EML1: variants seen among roughly 807,000 people sequenced by gnomAD.
EML1 encodes EMAP like 1, also known as echinoderm microtubule-associated protein-like 1.
A neutral mutation model predicts 110.4 loss-of-function variants in EML1; 27 were observed. The ratio of observed to expected loss-of-function variants is 0.24; its 90% CI spans 0.18 to 0.34. EML1 has a LOEUF of 0.34. Ranked by LOEUF, EML1 falls within the 10% of genes least tolerant of loss-of-function variation. The pLI is 1.00. For missense variants in EML1, 741 were observed against 1,030.9 expected (o/e 0.72, Z 3.85); for synonymous variants, 344 against 385.8 (o/e 0.89, Z 1.27).
chr14:99,856,266 T>C (rs1476704664), intron 2 of EML1, among the ~76,000 whole-genome samples: 2 of 152,230 alleles, frequency 1.3e-5, no homozygotes, highest in Non-Finnish European at 2.9e-5. Context: ...TTCCATAAGT[T>C]AGCATTATTC....
At chr14:99,853,993 A>C (rs2058858011) in intron 2 of EML1, among the ~76,000 whole-genome samples, 1 of 152,136 alleles carries the variant, frequency 6.6e-6, no homozygotes, top group African/African-American at 2.4e-5. Flanking sequence ...TTTAAATATC[A>C]AATGATTTTT....
intron 4 of EML1, among the ~76,000 whole-genome samples, chr14:99,890,588 G>A (rs530684905): frequency 6.6e-6 from 1 of 152,292 alleles, no homozygotes; most frequent in Admixed American, 6.5e-5. Context: ...GGTTTCCCAA[G>A]TGCTGTCATG....
intron 15 of EML1, among the ~76,000 whole-genome samples, chr14:99,916,345 C>T (rs549798058): frequency 2.0e-4 from 31 of 152,348 alleles, no homozygotes; most frequent in African/African-American, 7.0e-4. Context: ...TTAGTGGCAG[C>T]TCTGAGCTTA....
intron 9 of EML1, chr14:99,907,042 C>T (rs903887931): frequency 2.0e-5 from 3 of 152,590 alleles, no homozygotes; most frequent in African/African-American, 7.2e-5. Flanking sequence ...CTAGGAGGGG[C>T]TCTTGTTTTC....
intron 1 of EML1, among the ~76,000 whole-genome samples, chr14:99,767,806 TCCC>T (rs1202747825): frequency 1.3e-5 from 2 of 152,038 alleles, no homozygotes; most frequent in African/African-American, 2.4e-5. Flanking sequence ...CCTCAAGGCC[TCCC>T]CCAAGTCCCC....
rs1362999400 is a variant in EML1, at chr14:99,939,095, C to G, written c.2192-102C>G. On this transcript the variant is annotated intron_variant, in intron 20 of 21. Coordinates refer to ENST00000262233, the MANE Select transcript of EML1 (RefSeq NM_004434.3). This position sits in a 1 kb window ranked among gnomAD's most constrained non-coding sequence, Gnocchi z 4.2. ...GACCCTTGTTTCTAAAGCTGGACTT[C>G]AGGCAGTTTCATGTTCAGGACCGTT... The G allele has an allele frequency of 6.6e-6, 10 of 1,507,346 alleles. No homozygotes were observed. The highest frequency in any genetic ancestry group is 4.2e-5 in the African/African-American group (3 of 71,342). 93.4% of individuals were successfully genotyped at this position (1,507,346 alleles called of 1,614,324 possible). A position where few individuals can be genotyped will look rare whatever the true frequency, so the allele number is the denominator to read the frequency against.
intron 1 of EML1, among the ~76,000 whole-genome samples, chr14:99,793,866 C>T (rs1263352103): frequency 6.6e-6 from 1 of 151,232 alleles, no homozygotes; most frequent in Non-Finnish European, 1.5e-5. Context: ...CGGGGAGGCC[C>T]GGGCAGCCTC....
chr14:99,876,958 G>A (rs558078379), intron 3 of EML1, among the ~76,000 whole-genome samples: 1 of 152,274 alleles, frequency 6.6e-6, no homozygotes, highest in Admixed American at 6.5e-5. Flanking sequence ...GAAATGCGTG[G>A]ACTAATGATG....
At chr14:99,858,082 A>C (rs768694521) in intron 2 of EML1, among the ~76,000 whole-genome samples, 1 of 152,144 alleles carries the variant, frequency 6.6e-6, no homozygotes, top group Non-Finnish European at 1.5e-5. Flanking sequence ...TCTGGACAGT[A>C]GATACAAAGT....
At chr14:99,927,552 T>C (rs546101955) in intron 17 of EML1, among the ~76,000 whole-genome samples, 33 of 152,270 alleles carry the variant, frequency 2.2e-4, no homozygotes, top group African/African-American at 7.5e-4. Context: ...TTGCCAACTA[T>C]TGATTTCCAA....
chr14:99,779,702 A>G (rs1416439923), intron 1 of EML1, among the ~76,000 whole-genome samples: 1 of 152,200 alleles, frequency 6.6e-6, no homozygotes, highest in Non-Finnish European at 1.5e-5. Flanking sequence ...CTGGCTGCCA[A>G]TGTTCTGAGA....
At chr14:99,759,604 G>A (rs755411672) in intron 1 of EML1, among the ~76,000 whole-genome samples, 4 of 152,182 alleles carry the variant, frequency 2.6e-5, no homozygotes, top group African/African-American at 7.2e-5. Flanking sequence ...GGAAGGAATC[G>A]GGTGCACCGT....
chr14:99,762,360 G>C (rs560976177), intron 1 of EML1, among the ~76,000 whole-genome samples: 3 of 152,218 alleles, frequency 2.0e-5, no homozygotes, highest in East Asian at 3.9e-4. Flanking sequence ...CCCTGAACAA[G>C]AAACAGAACT....
upstream of EML1, among the ~76,000 whole-genome samples, chr14:99,771,331 G>A (rs999851950): frequency 2.0e-5 from 3 of 152,130 alleles, no homozygotes; most frequent in Non-Finnish European, 4.4e-5. Context: ...ATGGGATTAT[G>A]GTCTCTTGCA....
chr14:99,926,281 G>GA (rs1257500610), intron 17 of EML1, among the ~76,000 whole-genome samples: 1 of 116,546 alleles, frequency 8.6e-6, no homozygotes, highest in African/African-American at 2.8e-5. Flanking sequence ...TGTGTTTTTT[G>GA]GGGTTTTTTT....
chr14:99,817,908 G>T (rs182738216), intron 1 of EML1, among the ~76,000 whole-genome samples: 2 of 152,186 alleles, frequency 1.3e-5, no homozygotes, highest in African/African-American at 4.8e-5. Flanking sequence ...TGGTATTCTG[G>T]TGGTGGTGAT....
intron 1 of EML1, among the ~76,000 whole-genome samples, chr14:99,795,487 A>G (rs2057753980): frequency 1.3e-5 from 2 of 152,238 alleles, no homozygotes; most frequent in South Asian, 2.1e-4. Context: ...TCTAATGAAT[A>G]AAGTTTAAAG....
chr14:99,837,012 A>AT lies in EML1; in HGVS notation c.68-13832dup, dbSNP rs1389454628. 3.3e-3 allele frequency among the ~76,000 whole-genome samples: 407 copies of AT among 124,334 alleles called. 2 individuals carry two copies. The highest frequency in any genetic ancestry group is 0.011 in the African/African-American group (381 of 34,466). 81.6% of individuals were successfully genotyped at this position (124,334 alleles called of 152,430 possible). A position where few individuals can be genotyped will look rare whatever the true frequency, so the allele number is the denominator to read the frequency against. On this transcript the variant is annotated intron_variant, in intron 1 of 21. Coordinates refer to ENST00000262233, the MANE Select transcript of EML1 (RefSeq NM_004434.3). ...TCTAATTTTTTTTTTTTTTTGGATGATTTTTTTTTCAGTCTTGGGTAATTT... is the reference window on the plus strand; with the variant it reads ...TCTAATTTTTTTTTTTTTTTGGATGATTTTTTTTTTCAGTCTTGGGTAATTT...
chr14:99,855,873 A>G (rs1386120114), intron 2 of EML1, among the ~76,000 whole-genome samples: 1 of 152,182 alleles, frequency 6.6e-6, no homozygotes, highest in African/African-American at 2.4e-5. Context: ...TGTCATTCCA[A>G]GACATCAAAA....
Sources: allele counts gnomAD v4.1 joint callset (sites outside exome capture counted in the v4.1 genomes callset), GRCh38; gene constraint gnomAD v4.1.1; non-coding constraint Gnocchi (gnomAD v3.1); transcripts MANE v1.5; gene names NCBI Gene and HGNC (gene_info 2026-07-23, HGNC 2026-07-21).